The following VAPB variants were observed in gnomAD, a reference collection of about 807,000 sequenced individuals.
The protein encoded by VAPB is vesicle-associated membrane protein-associated protein B/C.
A neutral mutation model predicts 25.6 loss-of-function variants in VAPB; 7 were observed. The observed-to-expected ratio is 0.27, with a 90% CI of 0.16 to 0.51. VAPB has a LOEUF of 0.51. VAPB is among the 20% of genes least tolerant of loss of function. The pLI is 0.97. For missense variants in VAPB, 266 were observed against 301.3 expected (o/e 0.88, Z 0.87); for synonymous variants, 112 against 109.2 (o/e 1.03, Z -0.16).
intron 1 of VAPB, among the ~76,000 whole-genome samples, chr20:58,411,687 T>G (rs1988383903): frequency 6.6e-6 from 1 of 152,206 alleles, no homozygotes; most frequent in South Asian, 2.1e-4. Flanking sequence ...ATTTTTATTA[T>G]TTTTTGAGAC....
chr20:58,440,870 GT>G, intron 4 of VAPB, 36 bp from the exon 5 acceptor site: 1 of 1,602,590 alleles, frequency 6.2e-7, no homozygotes, highest in Non-Finnish European at 8.5e-7. Context: ...TTATTACATG[GT>G]CGGTGACACT....
intron 2 of VAPB, among the ~76,000 whole-genome samples, chr20:58,421,547 T>C (rs922958318): frequency 6.6e-5 from 10 of 152,294 alleles, no homozygotes; most frequent in Middle Eastern, 3.4e-3. Flanking sequence ...AAAATACTGC[T>C]AGCATTGCCC....
At chr20:58,423,448 A>AAAAAAAAAAAAT (rs1988718143) in intron 2 of VAPB, among the ~76,000 whole-genome samples, 1 of 140,978 alleles carries the variant, frequency 7.1e-6, no homozygotes, top group Non-Finnish European at 1.5e-5. Flanking sequence ...AAAAAAAAAA[A>AAAAAAAAAAAAT]AGAAAAGAAA....
intron 1 of VAPB, among the ~76,000 whole-genome samples, chr20:58,404,825 T>C (rs1241313996): frequency 6.6e-6 from 1 of 152,192 alleles, no homozygotes; most frequent in African/African-American, 2.4e-5. Flanking sequence ...CTGTGTATTC[T>C]GGGTGGGAGC....
rs1276778964 is a variant in VAPB, at chr20:58,449,953, A to G, written c.*5718A>G. On this transcript the variant is annotated 3_prime_UTR_variant, in exon 6 of 6. Transcript: ENST00000475243. ...GGTTCCCTTTTTTTTTCCCTTTGGA[A>G]AATGCCAACTAAGGGAGACTAATCA... The G allele has an allele frequency of 2.2e-6, 1 of 453,944 alleles. No homozygotes were observed. Among genetic ancestry groups the G allele is most frequent in the African/African-American group, 2.0e-5 (1 of 49,986 alleles). 28.1% of individuals were successfully genotyped at this position (453,944 alleles called of 1,614,324 possible). A position where few individuals can be genotyped will look rare whatever the true frequency, so the allele number is the denominator to read the frequency against.
At position 58,400,387 on chromosome 20, in the gene VAPB, A is replaced by G. The variant is rs563028957; in HGVS notation, c.58+10870A>G. Among the ~76,000 whole-genome samples the G allele has an allele frequency of 3.2e-4, 49 of 152,296 alleles. 2 individuals carry two copies. The East Asian group carries it at 4.8e-3, about 15-fold the overall frequency. On this transcript the variant is annotated intron_variant, in intron 1 of 5. Coordinates refer to ENST00000475243, the MANE Select transcript of VAPB (RefSeq NM_004738.5). ...CAGCACCTACTGGTACTTTGTTCCT[A>G]TGGGCTCCTGAATATTTAATTAATG... is the stretch of plus-strand genomic sequence containing the variant.
intron 2 of VAPB, among the ~76,000 whole-genome samples, chr20:58,425,325 G>A (rs953037011): frequency 3.3e-5 from 5 of 152,188 alleles, no homozygotes; most frequent in Admixed American, 2.0e-4. Context: ...TGGGAAGTGG[G>A]ACAGAAGAAA....
At chr20:58,419,237 A>G (rs1455100119) in intron 2 of VAPB, among the ~76,000 whole-genome samples, 2 of 152,160 alleles carry the variant, frequency 1.3e-5, no homozygotes, top group Non-Finnish European at 2.9e-5. Flanking sequence ...TGATTGTGAT[A>G]CACTTGGCTA....
At chr20:58,442,476 C>G (rs772854854) in intron 5 of VAPB, among the ~76,000 whole-genome samples, 5 of 151,910 alleles carry the variant, frequency 3.3e-5, no homozygotes, top group African/African-American at 1.2e-4. Flanking sequence ...TTAAGCCAGT[C>G]GGACACCACC....
intron 2 of VAPB, among the ~76,000 whole-genome samples, chr20:58,434,122 G>GT (rs1188944112): frequency 1.3e-5 from 2 of 152,164 alleles, no homozygotes; most frequent in African/African-American, 4.8e-5. Context: ...TGGCAAAATT[G>GT]TATTTCAAGG....
chr20:58,389,632 GC>G, intron 1 of VAPB, 115 bp downstream of exon 1: 2 of 1,137,012 alleles, frequency 1.8e-6, no homozygotes, highest in Non-Finnish European at 2.3e-6. Flanking sequence ...CGGCGCTGTC[GC>G]GGGGGGCGGC....
intron 1 of VAPB, among the ~76,000 whole-genome samples, chr20:58,396,059 G>A (rs951191580): frequency 4.6e-5 from 7 of 152,124 alleles, no homozygotes; most frequent in Non-Finnish European, 7.4e-5. Context: ...GGGGGTTTGG[G>A]GGTTGGGAAG....
chr20:58,393,746 T>C (rs541411732), intron 1 of VAPB, among the ~76,000 whole-genome samples: 1 of 136,752 alleles, frequency 7.3e-6, no homozygotes, highest in Admixed American at 7.2e-5. Flanking sequence ...GTTTTGTTTT[T>C]TTTGAGATGG....
chr20:58,389,644 G>A, intron 1 of VAPB, 127 bp downstream of exon 1: 1 of 1,053,382 alleles, frequency 9.5e-7, no homozygotes, highest in Non-Finnish European at 1.3e-6. Flanking sequence ...GGGGGGCGGC[G>A]AGGCCGGGCC....
intron 1 of VAPB, among the ~76,000 whole-genome samples, chr20:58,410,536 C>T (rs943831548): frequency 1.3e-5 from 2 of 150,490 alleles, no homozygotes; most frequent in African/African-American, 2.5e-5. Context: ...CCTGCCTCAG[C>T]CCCCCGAGTT....
chr20:58,425,421 G>C (rs2123070924), intron 2 of VAPB, among the ~76,000 whole-genome samples: 1 of 152,364 alleles, frequency 6.6e-6, no homozygotes, highest in African/African-American at 2.4e-5. Flanking sequence ...GGAACGCTTT[G>C]AATGTTGGAA....
In VAPB at chr20:58,444,493, A is replaced by T; in HGVS notation, c.*258A>T. The stretch of plus-strand genomic sequence containing the variant: ...ATCTTTATTAATGACAAGGGAAACC[A>T]TGAGTAATGCCACAATGGCATATTG... On this transcript the variant is annotated 3_prime_UTR_variant, in exon 6 of 6. Transcript: ENST00000475243. The T allele has an allele frequency of 1.6e-6, 1 of 611,148 alleles. No homozygotes were observed. The highest frequency in any genetic ancestry group is 3.0e-6 in the Non-Finnish European group (1 of 329,560). The allele number at this position is 611,148 out of a possible 1,614,324, so 37.9% of individuals were successfully genotyped here. A position where few individuals can be genotyped will look rare whatever the true frequency, so the allele number is the denominator to read the frequency against.
At chr20:58,407,941 C>T (rs1988272526) in intron 1 of VAPB, among the ~76,000 whole-genome samples, 1 of 152,058 alleles carries the variant, frequency 6.6e-6, no homozygotes, top group Admixed American at 6.6e-5. Flanking sequence ...CCAGGCTGTT[C>T]CTTACTAACT....
At chr20:58,391,575 C>T (rs1987799659) in intron 1 of VAPB, among the ~76,000 whole-genome samples, 1 of 151,968 alleles carries the variant, frequency 6.6e-6, no homozygotes, top group Admixed American at 6.6e-5. Context: ...ACTCTGTCAC[C>T]CAGGCTGGAG....
Sources: allele counts gnomAD v4.1 joint callset (sites outside exome capture counted in the v4.1 genomes callset), GRCh38; gene constraint gnomAD v4.1.1; transcripts MANE v1.5; gene names NCBI Gene and HGNC (gene_info 2026-07-23, HGNC 2026-07-21).